The following KCNK1 variants were observed in gnomAD, a reference collection of about 807,000 sequenced individuals.
The protein encoded by KCNK1 is potassium two pore domain channel subfamily K member 1.
A neutral mutation model predicts 22.2 loss-of-function variants in KCNK1; 10 were observed. The ratio of observed to expected loss-of-function variants is 0.45; its 90% confidence interval spans 0.28 to 0.76. KCNK1 has a LOEUF of 0.76. KCNK1 is among the 30% of genes least tolerant of loss of function. The probability of loss-of-function intolerance (pLI) is 0.14; values close to 1 mark genes in which losing one functional copy is unlikely to be tolerated. For missense variants in KCNK1, 378 were observed against 421.0 expected (o/e 0.90, Z 0.89); for synonymous variants, 200 against 186.4 (o/e 1.07, Z -0.60).
chr1:233,645,207 A>G (rs969327241), intron 1 of KCNK1, among the ~76,000 whole-genome samples: 15 of 152,046 alleles, frequency 9.9e-5, no homozygotes, highest in Admixed American at 5.2e-4. Context: ...AAAAAAAAAA[A>G]AGAGATATGA....
chr1:233,619,194 C>T (rs538213), intron 1 of KCNK1, among the ~76,000 whole-genome samples: 108,964 of 151,460 alleles, frequency 0.72, 40,505 homozygotes, highest in African/African-American at 0.9. Context: ...ATTTTTTTTT[C>T]ATTTTTCTTT....
chr1:233,628,783 A>ATAT (rs1657739808), intron 1 of KCNK1, among the ~76,000 whole-genome samples: 1 of 151,846 alleles, frequency 6.6e-6, no homozygotes, highest in Non-Finnish European at 1.5e-5. Context: ...AATAATAATA[A>ATAT]ATTTTAAAAG....
At chr1:233,638,206 C>A (rs974603253) in intron 1 of KCNK1, among the ~76,000 whole-genome samples, 3 of 152,094 alleles carry the variant, frequency 2.0e-5, no homozygotes, top group Non-Finnish European at 4.4e-5. Context: ...CCTGGGTGCT[C>A]CTTCTTCCCC....
chr1:233,643,917 C>A (rs796168475), intron 1 of KCNK1, among the ~76,000 whole-genome samples: 4 of 152,336 alleles, frequency 2.6e-5, no homozygotes, highest in African/African-American at 9.6e-5. Flanking sequence ...AATTCTCAGA[C>A]AACTGTTGCA....
intron 1 of KCNK1, among the ~76,000 whole-genome samples, chr1:233,663,994 G>A (rs1337532844): frequency 1.3e-5 from 2 of 152,060 alleles, no homozygotes; most frequent in Admixed American, 6.5e-5. Flanking sequence ...ACCATGCCCG[G>A]CTAATTTTTG....
At chr1:233,664,133 A>T (rs1658449611) in intron 1 of KCNK1, among the ~76,000 whole-genome samples, 2 of 152,048 alleles carry the variant, frequency 1.3e-5, no homozygotes, top group African/African-American at 4.8e-5. Flanking sequence ...CCCGGCCTTC[A>T]GTTGGCTTTT....
At chr1:233,667,874 T>C (rs532492473) in intron 2 of KCNK1, among the ~76,000 whole-genome samples, 2 of 152,286 alleles carry the variant, frequency 1.3e-5, no homozygotes, top group Non-Finnish European at 2.9e-5. Flanking sequence ...TCAATCATGC[T>C]CTTTAATTTA....
intron 1 of KCNK1, among the ~76,000 whole-genome samples, chr1:233,664,959 T>C (rs1363528990): frequency 6.6e-6 from 1 of 152,222 alleles, no homozygotes; most frequent in Non-Finnish European, 1.5e-5. Context: ...GTTAGTTCTT[T>C]TAAGATGAAG....
intron 1 of KCNK1, among the ~76,000 whole-genome samples, chr1:233,648,425 A>C (rs542835371): frequency 3.3e-4 from 50 of 152,130 alleles, no homozygotes; most frequent in Non-Finnish European, 6.3e-4. Context: ...TCCATCCCAC[A>C]TACCTCACCC....
chr1:233,636,815 A>G (rs930689743), intron 1 of KCNK1, among the ~76,000 whole-genome samples: 3 of 152,084 alleles, frequency 2.0e-5, no homozygotes, highest in African/African-American at 7.2e-5. Flanking sequence ...CAGGGGGATC[A>G]TGGTTTCTAC....
chr1:233,622,007 T>G (rs1420373736), intron 1 of KCNK1, among the ~76,000 whole-genome samples: 1 of 152,018 alleles, frequency 6.6e-6, no homozygotes, highest in Non-Finnish European at 1.5e-5. Flanking sequence ...TATCAATAAC[T>G]TGGAAGAAAT....
Position 233,666,749 on chromosome 1 carries a change from C to G in KCNK1, c.510C>G (p.Ile170Met). The change falls in exon 2 of 3, where the codon ATC becomes ATG. Residue 170 changes from isoleucine to methionine, a missense_variant. Physicochemically the swap from Ile to Met is conservative, Grantham distance 10 (BLOSUM62 1). Transcript: ENST00000366621. The part of the protein sequence containing the change: ...VTRRPVLYFH[I>M]RWGFSKQVVA... ...GCAGGCCGGTCCTCTACTTCCACAT[C>G]CGCTGGGGCTTCTCCAAGCAGGTGG... is the stretch of plus-strand genomic sequence containing the variant. 6.2e-7 allele frequency: 1 copy of G among 1,614,218 alleles called. No individual in the cohort carries two copies. The highest frequency in any genetic ancestry group is 2.2e-5 in the East Asian group (1 of 44,866).
chr1:233,651,115 A>G (rs1459947719), intron 1 of KCNK1, among the ~76,000 whole-genome samples: 1 of 152,246 alleles, frequency 6.6e-6, no homozygotes, highest in Non-Finnish European at 1.5e-5. Flanking sequence ...TTCAGCATCA[A>G]GTAAACGGTG....
intron 1 of KCNK1, among the ~76,000 whole-genome samples, chr1:233,630,139 A>C (rs1212520665): frequency 2.0e-5 from 3 of 151,786 alleles, no homozygotes; most frequent in African/African-American, 7.3e-5. Flanking sequence ...ATGATGAGTA[A>C]CCTCTCAAGG....
intron 1 of KCNK1, among the ~76,000 whole-genome samples, chr1:233,625,716 C>T (rs771401436): frequency 3.2e-4 from 48 of 152,208 alleles, no homozygotes; most frequent in African/African-American, 8.2e-4. Flanking sequence ...AGTCCAGGAT[C>T]GTAGTCTTCC....
At position 233,620,898 on chromosome 1, in the gene KCNK1, A is replaced by G. The variant is rs146657491; in HGVS notation, c.355+6372A>G. On this transcript the variant is annotated intron_variant, in intron 1 of 2. Transcript: ENST00000366621. ...TTGAACCCTTTATATGTGCCAGGCA[A>G]TGTTTACACATATTCATTTCCATGC... 8.9e-4 allele frequency among the ~76,000 whole-genome samples: 136 copies of G among 152,350 alleles called. 2 individuals are homozygous for G. The East Asian group carries it at 0.02, about 22-fold the overall frequency.
At chr1:233,650,969 T>G (rs1189870613) in intron 1 of KCNK1, among the ~76,000 whole-genome samples, 8 of 152,138 alleles carry the variant, frequency 5.3e-5, no homozygotes, top group Non-Finnish European at 1.2e-4. Flanking sequence ...TTGGGTTTGA[T>G]TCTACAGAGC....
intron 1 of KCNK1, among the ~76,000 whole-genome samples, chr1:233,638,561 G>A (rs186619110): frequency 1.2e-4 from 19 of 152,330 alleles, no homozygotes; most frequent in African/African-American, 3.4e-4. Flanking sequence ...GAAGCAAATC[G>A]TTGACCGATT....
At position 233,667,848 on chromosome 1, in the gene KCNK1, C is replaced by T. The variant is rs1208763712; in HGVS notation, c.751+858C>T. On this transcript the variant is annotated intron_variant, in intron 2 of 2. Transcript: ENST00000366621. ...TTTTAAGGCCAAGAAAACTAGGCCTCGGATAGAGCGTGTTATCAATCATGC... is the reference window on the plus strand; with the variant it reads ...TTTTAAGGCCAAGAAAACTAGGCCTTGGATAGAGCGTGTTATCAATCATGC... Among the ~76,000 whole-genome samples, 6 of 152,010 alleles carry T rather than the reference C, an allele frequency of 3.9e-5. No individual in the cohort carries two copies. The South Asian group carries it at 8.4e-4, about 21-fold the overall frequency.
Sources: gnomAD v4.1 joint callset for allele counts (sites outside exome capture counted in the v4.1 genomes callset) on GRCh38, gnomAD v4.1.1 for gene constraint, MANE v1.5 for transcripts, NCBI Gene and HGNC (gene_info 2026-07-23, HGNC 2026-07-21) for gene names.